ZNF521: variants seen among roughly 807,000 people sequenced by gnomAD.
ZNF521 encodes zinc finger protein 521, also known as LYST-interacting protein 3.
A neutral mutation model predicts 105.5 loss-of-function variants in ZNF521; 14 were observed. That is an observed-to-expected ratio of 0.13 (90% CI 0.09 to 0.21). The LOEUF is 0.21. Among genes scored for constraint, ZNF521 ranks in the 10% least tolerant of loss-of-function variants. The pLI, the probability that ZNF521 is intolerant of heterozygous loss-of-function variation, is 1.00. For missense variants in ZNF521, 1,233 were observed against 1,629.7 expected, an observed-to-expected ratio of 0.76 and a Z score of 4.19; for synonymous variants, 635 against 606.0, an observed-to-expected ratio of 1.05 and a Z score of -0.70.
At chr18:25,287,592 T>C (rs1339240141) in intron 3 of ZNF521, among the ~76,000 whole-genome samples, 1 of 150,630 alleles carries the variant, frequency 6.6e-6, no homozygotes, top group African/African-American at 2.5e-5. Context: ...CTTAAGAAAT[T>C]CAGGAGAAAT....
At chr18:25,072,459 A>G (rs1214821567) in intron 7 of ZNF521, among the ~76,000 whole-genome samples, 1 of 152,172 alleles carries the variant, frequency 6.6e-6, no homozygotes, top group African/African-American at 2.4e-5. Context: ...TCTGTTGTGC[A>G]TACCTGACAA....
At chr18:25,080,966 C>A (rs2144167823) in intron 7 of ZNF521, among the ~76,000 whole-genome samples, 1 of 152,346 alleles carries the variant, frequency 6.6e-6, no homozygotes, top group Non-Finnish European at 1.5e-5. Context: ...GGCGCTGAGA[C>A]AGAGCTCTGT....
intron 2 of ZNF521, among the ~76,000 whole-genome samples, chr18:25,327,119 T>G (rs1234930975): frequency 6.6e-6 from 1 of 152,184 alleles, no homozygotes; most frequent in African/African-American, 2.4e-5. Context: ...GCCCCAACAC[T>G]ACACTGCTAG....
intron 2 of ZNF521, among the ~76,000 whole-genome samples, chr18:25,335,562 TC>T (rs1244065047): frequency 6.6e-6 from 1 of 152,218 alleles, no homozygotes; most frequent in Non-Finnish European, 1.5e-5. Flanking sequence ...ATTTCCTTTG[TC>T]ACTTTCTATC....
intron 3 of ZNF521, among the ~76,000 whole-genome samples, chr18:25,271,443 A>T (rs1417520256): frequency 6.6e-6 from 1 of 152,246 alleles, no homozygotes; most frequent in African/African-American, 2.4e-5. Context: ...GAACCAAAAA[A>T]GAGCCTGCAT....
intron 5 of ZNF521, among the ~76,000 whole-genome samples, chr18:25,130,753 G>GTCTC (rs2034625594): frequency 6.6e-6 from 1 of 152,004 alleles, no homozygotes; most frequent in Non-Finnish European, 1.5e-5. Flanking sequence ...GATAGGCCTG[G>GTCTC]GCAACATAGC....
intron 5 of ZNF521, among the ~76,000 whole-genome samples, chr18:25,110,318 T>A (rs529506230): frequency 1.3e-5 from 2 of 152,182 alleles, no homozygotes; most frequent in African/African-American, 4.8e-5. Flanking sequence ...TGAGGAGAGG[T>A]GGGCCTGCGC....
At chr18:25,130,621 A>G (rs1322551341) in intron 5 of ZNF521, among the ~76,000 whole-genome samples, 1 of 152,194 alleles carries the variant, frequency 6.6e-6, no homozygotes, top group African/African-American at 2.4e-5. Context: ...TGTAAAACTA[A>G]AACTGCTTTA....
At chr18:25,284,287 T>C (rs1371111120) in intron 3 of ZNF521, among the ~76,000 whole-genome samples, 1 of 152,128 alleles carries the variant, frequency 6.6e-6, no homozygotes, top group Non-Finnish European at 1.5e-5. Flanking sequence ...TCAAGCCCTA[T>C]GTATGTATGA....
At chr18:25,343,655 A>AATC in intron 2 of ZNF521, among the ~76,000 whole-genome samples, 1 of 152,274 alleles carries the variant, frequency 6.6e-6, no homozygotes, top group East Asian at 1.9e-4. Context: ...TTCCAAACCA[A>AATC]ATCATCTTTA....
chr18:25,311,383 TA>T (rs34665703), intron 3 of ZNF521, among the ~76,000 whole-genome samples: 1,530 of 137,484 alleles, frequency 0.011, 22 homozygotes, highest in African/African-American at 0.03. Context: ...AGCAAAAATG[TA>T]AAAAAAAAAA....
At chr18:25,305,641 C>G (rs1911934375) in intron 3 of ZNF521, among the ~76,000 whole-genome samples, 1 of 152,114 alleles carries the variant, frequency 6.6e-6, no homozygotes, top group Non-Finnish European at 1.5e-5. Flanking sequence ...TTCATTTCCT[C>G]CATTTGGCCA....
intron 3 of ZNF521, among the ~76,000 whole-genome samples, chr18:25,289,520 C>T (rs1910890252): frequency 1.3e-5 from 2 of 152,090 alleles, no homozygotes; most frequent in Admixed American, 1.3e-4. Context: ...ATGAAGAGCT[C>T]GGGAAGCGCA....
At position 25,316,671 on chromosome 18, in the gene ZNF521, A is replaced by G. The variant is rs575594008; in HGVS notation, c.220+5337T>C. Among the ~76,000 whole-genome samples, 3 of 152,228 alleles carry G rather than the reference A, an allele frequency of 2.0e-5. No homozygotes were observed. In the South Asian group the frequency reaches 6.2e-4, roughly 32 times the overall value. ...CCATTAACACCTTCAACAAACATGG[A>G]TCGTTCCTGATTTCATTTCTCCCTT... is the stretch of plus-strand genomic sequence containing the variant. On this transcript the variant is annotated intron_variant, in intron 3 of 7. Transcript: ENST00000361524.
chr18:25,296,239 T>C (rs1412827838), intron 3 of ZNF521, among the ~76,000 whole-genome samples: 4 of 152,188 alleles, frequency 2.6e-5, no homozygotes, highest in Non-Finnish European at 4.4e-5. Context: ...TCCCACTTGA[T>C]AGGAGCACTA....
intron 5 of ZNF521, among the ~76,000 whole-genome samples, chr18:25,162,557 A>G (rs759950341): frequency 6.6e-6 from 1 of 152,182 alleles, no homozygotes. Context: ...TACATTTTTA[A>G]ATGTTTTCTA....
chr18:25,247,801 G>A (rs1480803930), intron 3 of ZNF521, among the ~76,000 whole-genome samples: 2 of 152,180 alleles, frequency 1.3e-5, no homozygotes, highest in African/African-American at 2.4e-5. Context: ...CCATTTATAA[G>A]GCTATGGCAA....
At chr18:25,340,287 G>A (rs1872997207) in intron 2 of ZNF521, among the ~76,000 whole-genome samples, 3 of 152,082 alleles carry the variant, frequency 2.0e-5, no homozygotes, top group Admixed American at 2.0e-4. Flanking sequence ...CCCAGGCAGT[G>A]GAGGTTGCAG....
At chr18:25,154,049 T>C (rs757652882) in intron 5 of ZNF521, among the ~76,000 whole-genome samples, 3 of 152,184 alleles carry the variant, frequency 2.0e-5, no homozygotes, top group Admixed American at 6.5e-5. Flanking sequence ...TCTGTGTCCA[T>C]TCAGATGGTT....
Sources: gnomAD v4.1 joint callset for allele counts (sites outside exome capture counted in the v4.1 genomes callset) on GRCh38, gnomAD v4.1.1 for gene constraint, MANE v1.5 for transcripts, NCBI Gene and HGNC (gene_info 2026-07-23, HGNC 2026-07-21) for gene names.